Variants in MS4A1 observed in about 807,000 individuals in gnomAD.
MS4A1 encodes the protein B-lymphocyte antigen CD20.
MS4A1 carries 16 observed loss-of-function variants against 26.5 expected under a neutral mutation model. The observed-to-expected ratio is 0.60, with a 90% CI of 0.41 to 0.92. MS4A1 has a LOEUF of 0.92. MS4A1 is among the 40% of genes least tolerant of loss of function. MS4A1 has a pLI of 0.00. For missense variants in MS4A1, 350 were observed against 353.0 expected, an observed-to-expected ratio of 0.99 and a Z score of 0.07; for synonymous variants, 128 against 117.6, an observed-to-expected ratio of 1.09 and a Z score of -0.57.
chr11:60,456,759 C>G (rs2086207315), intron 1 of MS4A1, among the ~76,000 whole-genome samples: 1 of 152,110 alleles, frequency 6.6e-6, no homozygotes, highest in Non-Finnish European at 1.5e-5. Flanking sequence ...AATGTTTAAT[C>G]CAGCATTGTG....
chr11:60,462,673 G>T, intron 3 of MS4A1, 140 bp downstream of exon 3: 1 of 1,144,664 alleles, frequency 8.7e-7, no homozygotes, highest in East Asian at 2.5e-5. Context: ...CTAACACAGT[G>T]GGCCAAATCA....
intron 1 of MS4A1, among the ~76,000 whole-genome samples, chr11:60,460,373 A>G (rs897762459): frequency 1.6e-4 from 24 of 152,230 alleles, no homozygotes; most frequent in Admixed American, 7.2e-4. Context: ...CCTGTTCTAT[A>G]AGGCTCAGAT....
rs199580963 is a variant in MS4A1, at chr11:60,470,290, G to A, written c.*1822G>A. On this transcript the variant is annotated 3_prime_UTR_variant, in exon 8 of 8. Transcript: ENST00000345732. ...ATTCCTTATTCTGAGAACTCCAGAC[G>A]ACTGAAATATATGAGAGAAGGAAAA... 2.0e-5 allele frequency: 3 copies of A among 151,870 alleles called. No individual in the cohort carries two copies. The highest frequency in any genetic ancestry group is 2.9e-5 in the Non-Finnish European group (2 of 67,868). The allele number at this position is 151,870 out of a possible 1,614,324, so 9.4% of individuals were successfully genotyped here. A position where few individuals can be genotyped will look rare whatever the true frequency, so the allele number is the denominator to read the frequency against.
Position 60,462,334 on chromosome 11 carries a change from A to G in MS4A1, c.-41A>G. ...CAAAAATCTTGTTCTTGCTCTCCTC[A>G]TTTTGTTATTTGTTTTATTTTTAGG... On this transcript the variant is annotated 5_prime_UTR_variant, in exon 3 of 8. Transcript: ENST00000345732. 6.2e-7 allele frequency: 1 copy of G among 1,612,230 alleles called. No homozygotes were observed. The highest frequency in any genetic ancestry group is 8.5e-7 in the Non-Finnish European group (1 of 1,178,372).
At chr11:60,464,967 G>A (rs192133448) in intron 5 of MS4A1, among the ~76,000 whole-genome samples, 17 of 152,292 alleles carry the variant, frequency 1.1e-4, no homozygotes, top group Non-Finnish European at 2.1e-4. Context: ...CAGCAAGTTC[G>A]CTCCCAAAAA....
chr11:60,462,661 G>T, intron 3 of MS4A1, 128 bp downstream of exon 3: 2 of 1,256,748 alleles, frequency 1.6e-6, no homozygotes, highest in Non-Finnish European at 2.3e-6. Context: ...TCTTCTTTAT[G>T]TCTAACACAG....
At chr11:60,456,386 C>A (rs1432015849) in intron 1 of MS4A1, among the ~76,000 whole-genome samples, 1 of 152,092 alleles carries the variant, frequency 6.6e-6, no homozygotes, top group African/African-American at 2.4e-5. Flanking sequence ...TTAGGACTTC[C>A]CAATACCAAA....
At chr11:60,457,284 A>T (rs1347776276) in intron 1 of MS4A1, among the ~76,000 whole-genome samples, 1 of 152,102 alleles carries the variant, frequency 6.6e-6, no homozygotes, top group Non-Finnish European at 1.5e-5. Flanking sequence ...CGGTAGTGGG[A>T]TATGAGCTTG....
Position 60,463,097 on chromosome 11 carries a change from G to A in MS4A1, c.255G>A (p.Trp85Ter), listed in dbSNP as rs2086262318. The A allele has an allele frequency of 1.2e-6, 2 of 1,614,152 alleles. No individual in the cohort carries two copies. Among genetic ancestry groups the A allele is most frequent in the Non-Finnish European group, 1.7e-6 (2 of 1,180,032 alleles). ...ATGCACCCATCTGTGTGACTGTGTG[G>A]TACCCTCTCTGGGGAGGCATTATGG... is the stretch of plus-strand genomic sequence containing the variant. ...GIYAPICVTV[W>*]YPLWGGIMYI... The change falls in exon 4 of 8, where the codon TGG (tryptophan) becomes TGA (stop). Residue 85 changes from tryptophan to a stop codon, truncating the protein, a stop_gained. Transcript: ENST00000345732. LOFTEE classifies it high-confidence loss of function.
In MS4A1 at chr11:60,466,941, T is replaced by C; in HGVS notation, c.574-18T>C. 1 of 1,610,956 alleles carries C rather than the reference T, an allele frequency of 6.2e-7. No individual in the cohort carries two copies. Among genetic ancestry groups the C allele is most frequent in the Non-Finnish European group, 8.5e-7 (1 of 1,177,092 alleles). On this transcript the variant is annotated intron_variant, in intron 6 of 7. Transcript: ENST00000345732. ...GCCATTATTACATTTTCACCTTCAT[T>C]CTTCTGTTGTTTTTCAGGGCATTTT...
Position 60,465,994 on chromosome 11 carries a change from A to G in MS4A1, c.410A>G (p.Asp137Gly), listed in dbSNP as rs1255093065. The change falls in exon 6 of 8, where the codon GAC (aspartate) becomes GGC (glycine). Residue 137 changes from aspartate to glycine, a missense_variant. Physicochemically the swap from Asp to Gly is moderately conservative, Grantham distance 94. Transcript: ENST00000345732. Reference protein sequence around the residue: ...AISGMILSIMDILNIKISHFL... With the variant: ...AISGMILSIMGILNIKISHFL... ...TCTGGAATGATTCTTTCAATCATGG[A>G]CATACTTAATATTAAAATTTCCCAT... 1.2e-6 allele frequency: 2 copies of G among 1,613,776 alleles called. No homozygotes were observed. Among genetic ancestry groups the G allele is most frequent in the East Asian group, 2.2e-5 (1 of 44,874 alleles).
At chr11:60,462,149 G>A (rs540445338) in intron 2 of MS4A1, 36 bp from the exon 3 acceptor site, 1 of 644,036 alleles carries the variant, frequency 1.6e-6, no homozygotes. Flanking sequence ...GGGCCCACAT[G>A]CTCTTCCTAA....
intron 4 of MS4A1, 181 bp from the exon 5 acceptor site, chr11:60,464,107 G>A (rs1182321181): frequency 1.6e-6 from 1 of 612,274 alleles, no homozygotes; most frequent in African/African-American, 1.8e-5. Flanking sequence ...GAATAAAGGA[G>A]GAATATGACA....
chr11:60,466,239 A>G, intron 6 of MS4A1, 82 bp downstream of exon 6: 1 of 1,129,110 alleles, frequency 8.9e-7, no homozygotes, highest in Admixed American at 1.7e-5. Flanking sequence ...TGAACTCTGG[A>G]TCCAGACCAC....
chr11:60,466,477 C>G (rs891507731), intron 6 of MS4A1: 2 of 383,194 alleles, frequency 5.2e-6, no homozygotes, highest in African/African-American at 2.0e-5. Flanking sequence ...TCATTAATGG[C>G]ATTAATATTT....
rs2086199736 is a variant in MS4A1, at chr11:60,455,907, C to G, written c.-318C>G. ...ACCCACTGAACTCCGCAGCTAGCAT[C>G]CAAATCAGCCCTTGAGATTTGAGGC... On this transcript the variant is annotated 5_prime_UTR_variant, in exon 1 of 8. In the 5' UTR this introduces an upstream ATG that the reference lacks. Transcript: ENST00000345732. 1 of 152,220 alleles carries G rather than the reference C, an allele frequency of 6.6e-6. No homozygotes were observed. Among genetic ancestry groups the G allele is most frequent in the Non-Finnish European group, 1.5e-5 (1 of 68,092 alleles). The allele number at this position is 152,220 out of a possible 1,614,324, so 9.4% of individuals were successfully genotyped here.
chr11:60,466,751 C>G (rs1756917708), intron 6 of MS4A1: 1 of 595,832 alleles, frequency 1.7e-6, no homozygotes, highest in Admixed American at 2.5e-5. Context: ...TACACATTAA[C>G]CATCTGTTGT....
intron 1 of MS4A1, among the ~76,000 whole-genome samples, chr11:60,457,735 T>G (rs2086215828): frequency 6.6e-6 from 1 of 152,126 alleles, no homozygotes; most frequent in Admixed American, 6.5e-5. Context: ...CACAGCACAG[T>G]CCTCAAAGAC....
At chr11:60,462,811 T>G (rs1263405762) in intron 3 of MS4A1, among the ~76,000 whole-genome samples, 191 bp from the exon 4 acceptor site, 3 of 152,154 alleles carry the variant, frequency 2.0e-5, no homozygotes, top group African/African-American at 4.8e-5. Context: ...GCATACCTGC[T>G]CCCTGGAAAT....
Sources: allele counts gnomAD v4.1 joint callset (sites outside exome capture counted in the v4.1 genomes callset), GRCh38; gene constraint gnomAD v4.1.1; transcripts MANE v1.5; gene names NCBI Gene and HGNC (gene_info 2026-07-23, HGNC 2026-07-21).